The following CASK variants were observed in gnomAD, a reference collection of about 807,000 sequenced individuals.
The protein encoded by CASK is calcium/calmodulin dependent serine protein kinase.
Under a neutral mutation model 82.9 loss-of-function variants are expected in CASK, and 4 were observed. That is an observed-to-expected ratio of 0.05 (90% CI 0.02 to 0.11). The LOEUF is 0.11. Among genes scored for constraint, CASK ranks in the 10% least tolerant of loss-of-function variants. The probability of loss-of-function intolerance (pLI) is 1.00; values close to 1 mark genes in which losing one functional copy is unlikely to be tolerated. For synonymous variants in CASK, 259 were observed against 253.5 expected (o/e 1.02, Z -0.20); for missense variants, 358 against 720.9 (o/e 0.50, Z 5.76).
At chrX:41,886,742 C>A (rs1013946497) in intron 1 of CASK, among the ~76,000 whole-genome samples, 8 of 111,624 alleles carry the variant, frequency 7.2e-5, no homozygotes, top group Non-Finnish European at 1.5e-4. Flanking sequence ...GACTTAGCTA[C>A]CTGCCAGAGA....
intron 2 of CASK, among the ~76,000 whole-genome samples, chrX:41,794,789 T>C (rs2069812157): frequency 8.9e-6 from 1 of 112,535 alleles, no homozygotes; most frequent in African/African-American, 3.2e-5. Context: ...GGAATTCAAC[T>C]AATATGTCAA....
intron 1 of CASK, among the ~76,000 whole-genome samples, chrX:41,891,141 C>T (rs970146952): frequency 5.5e-5 from 6 of 109,999 alleles, no homozygotes; most frequent in Non-Finnish European, 9.5e-5. Flanking sequence ...CTGCCCACCT[C>T]GGCCTCCCAA....
rs200563739 is a variant in CASK, at chrX:41,549,315, T to TCTGCCAGGAA, written c.2039+4394_2039+4403dup. Among the ~76,000 whole-genome samples the TCTGCCAGGAA allele has an allele frequency of 2.0e-3, 221 of 111,540 alleles. 3 individuals carry two copies. In the East Asian group the frequency reaches 0.057, roughly 29 times the overall value. On this transcript the variant is annotated intron_variant, in intron 21 of 26. Coordinates refer to ENST00000378163, the MANE Select transcript of CASK (RefSeq NM_001367721.1). ...AGCAAAGGAAAATTGATCTTTCTCTTCTGCCAGGAATAGCTTCCTATACCC... is the reference window on the plus strand; with the variant it reads ...AGCAAAGGAAAATTGATCTTTCTCTTCTGCCAGGAACTGCCAGGAATAGCTTCCTATACCC...
At chrX:41,844,929 T>C (rs1358382106) in intron 2 of CASK, among the ~76,000 whole-genome samples, 1 of 112,225 alleles carries the variant, frequency 8.9e-6, no homozygotes, top group African/African-American at 3.2e-5. Flanking sequence ...AGTATTCTTG[T>C]AATTTCTTCT....
intron 6 of CASK, among the ~76,000 whole-genome samples, chrX:41,667,678 G>A (rs745480008): frequency 9.0e-6 from 1 of 111,264 alleles, no homozygotes; most frequent in African/African-American, 3.3e-5. Flanking sequence ...TTCTGCCTTG[G>A]CCTCTCAAGT....
At chrX:41,563,556 G>T (rs945977891) in intron 16 of CASK, among the ~76,000 whole-genome samples, 1 of 109,317 alleles carries the variant, frequency 9.1e-6, no homozygotes, top group South Asian at 3.9e-4. Context: ...CTCTGGCAAG[G>T]TTGATCAAGA....
rs775952248 is a variant in CASK, at chrX:41,745,556, G to A, written c.324C>T (p.Asp108=). The change falls in exon 4 of 27, where the codon GAC becomes GAT. Residue 108 remains aspartate, a synonymous_variant. Transcript: ENST00000378163. ...DLCFEIVKRA[D]AGFVYSEAVA... is the part of the protein sequence containing the mutation. ...CAGCTTCACTGTACACAAAACCAGC[G>A]TCAGCTCGCTTTACGATTTCAAAAC... is the stretch of plus-strand genomic sequence containing the variant. 5.8e-6 allele frequency: 7 copies of A among 1,202,055 alleles called. No homozygotes were observed. The highest frequency in any genetic ancestry group is 7.9e-6 in the Non-Finnish European group (7 of 888,369).
Position 41,529,444 on chromosome X carries a change from C to A in CASK, c.2520+1563G>T, listed in dbSNP as rs772439366. The A allele has an allele frequency of 1.0e-3, 170 of 164,556 alleles. 2 individuals carry two copies. The highest frequency in any genetic ancestry group is 5.2e-3 in the African/African-American group (163 of 31,545). The allele number at this position is 164,556 out of a possible 1,213,427, so 13.6% of individuals were successfully genotyped here. ...GCGGCAGCAGCGGAGGCAGGTAAGG[C>A]AGAAAGCCCTCGAAAGTGGACTTAG... On this transcript the variant is annotated intron_variant, in intron 25 of 26. Transcript: ENST00000378163.
chrX:41,679,878 A>C (rs2067322156), intron 5 of CASK, among the ~76,000 whole-genome samples: 2 of 111,866 alleles, frequency 1.8e-5, no homozygotes, highest in South Asian at 7.4e-4. Flanking sequence ...CATTTCTCTA[A>C]GTAGCCCTGT....
intron 3 of CASK, among the ~76,000 whole-genome samples, chrX:41,762,244 A>G (rs2069014094): frequency 8.9e-6 from 1 of 112,152 alleles, no homozygotes; most frequent in Admixed American, 9.4e-5. Context: ...AGAATTTATG[A>G]CAATGACAAT....
At chrX:41,711,728 G>A (rs1235274864) in intron 5 of CASK, among the ~76,000 whole-genome samples, 2 of 110,301 alleles carry the variant, frequency 1.8e-5, no homozygotes, top group African/African-American at 6.6e-5. Context: ...TGGTGTCTTC[G>A]CTTTAACCTT....
chrX:41,605,906 T>C (rs920440223), intron 12 of CASK, among the ~76,000 whole-genome samples: 3 of 111,158 alleles, frequency 2.7e-5, no homozygotes, highest in Non-Finnish European at 5.7e-5. Flanking sequence ...CTCAAACACC[T>C]GACCTCAAGT....
chrX:41,788,598 A>T (rs1297374148), intron 2 of CASK, among the ~76,000 whole-genome samples: 4 of 112,091 alleles, frequency 3.6e-5, no homozygotes, highest in Non-Finnish European at 7.5e-5. Context: ...ACCTTAGAAG[A>T]TTGACTTACA....
intron 2 of CASK, among the ~76,000 whole-genome samples, chrX:41,837,039 T>A (rs184277286): frequency 8.9e-6 from 1 of 112,334 alleles, no homozygotes; most frequent in Non-Finnish European, 1.9e-5. Flanking sequence ...ATTTGGAATG[T>A]TTGGAAACCA....
Position 41,853,246 on chromosome X carries a change from A to G in CASK, c.60-19T>C, listed in dbSNP as rs754803276. 3.1e-6 allele frequency: 3 copies of G among 958,450 alleles called. No individual in the cohort carries two copies. The highest frequency in any genetic ancestry group is 2.6e-4 in the Middle Eastern group (1 of 3,788). 79.0% of individuals were successfully genotyped at this position (958,450 alleles called of 1,213,427 possible). ...GGGACCCCTATAAAACAAAAAGTCA[A>G]TTTTAATTCATTGATTCTCTTAAGT... On this transcript the variant is annotated intron_variant, in intron 1 of 26. Transcript: ENST00000378163.
At chrX:41,826,729 G>A (rs777330754) in intron 2 of CASK, among the ~76,000 whole-genome samples, 2 of 111,775 alleles carry the variant, frequency 1.8e-5, no homozygotes, top group Admixed American at 9.5e-5. Flanking sequence ...TGCCCACCTC[G>A]ACTTCCCAAA....
intron 3 of CASK, among the ~76,000 whole-genome samples, chrX:41,784,730 G>A (rs2069547144): frequency 9.1e-6 from 1 of 110,121 alleles, no homozygotes; most frequent in South Asian, 3.9e-4. Flanking sequence ...ACAAAAATTA[G>A]CCGGGCATGG....
At chrX:41,600,751 A>C (rs1391491419) in intron 12 of CASK, among the ~76,000 whole-genome samples, 1 of 112,294 alleles carries the variant, frequency 8.9e-6, no homozygotes, top group Non-Finnish European at 1.9e-5. Context: ...TCCTAGAAAG[A>C]GTAATTGTGT....
chrX:41,566,060 A>G (rs2065313369), intron 16 of CASK, among the ~76,000 whole-genome samples: 2 of 111,871 alleles, frequency 1.8e-5, no homozygotes, highest in African/African-American at 3.3e-5. Context: ...ACTCAGAATA[A>G]GCTAGGTATT....
Sources: allele counts gnomAD v4.1 joint callset (sites outside exome capture counted in the v4.1 genomes callset), GRCh38; gene constraint gnomAD v4.1.1; transcripts MANE v1.5; gene names NCBI Gene and HGNC (gene_info 2026-07-23, HGNC 2026-07-21).